The following CADM2 variants were observed in gnomAD, a reference collection of about 807,000 sequenced individuals.
CADM2 encodes the protein immunoglobulin superfamily member 4D.
In CADM2, 12 loss-of-function variants were observed where a neutral mutation model predicts 49.8. The ratio of observed to expected loss-of-function variants is 0.24; its 90% CI spans 0.15 to 0.39. The LOEUF is 0.39. Among genes scored for constraint, CADM2 ranks in the 10% least tolerant of loss-of-function variants. CADM2 has a pLI of 1.00. For missense variants in CADM2, 378 were observed against 492.3 expected, an observed-to-expected ratio of 0.77 and a Z score of 2.20; for synonymous variants, 214 against 175.4, an observed-to-expected ratio of 1.22 and a Z score of -1.74.
chr3:85,897,927 T>C (rs1422058531), intron 5 of CADM2, among the ~76,000 whole-genome samples: 2 of 152,230 alleles, frequency 1.3e-5, no homozygotes, highest in African/African-American at 2.4e-5. Context: ...TTTAAACTTA[T>C]AGTATATGCC....
At chr3:85,100,003 G>T (rs2037952514) in intron 1 of CADM2, among the ~76,000 whole-genome samples, 1 of 151,572 alleles carries the variant, frequency 6.6e-6, no homozygotes, top group African/African-American at 2.4e-5. Flanking sequence ...TGCACTTTCT[G>T]ATTTCCTGCT....
chr3:85,516,031 G>A (rs2060894485), intron 1 of CADM2, among the ~76,000 whole-genome samples: 1 of 152,086 alleles, frequency 6.6e-6, no homozygotes, highest in East Asian at 1.9e-4. Context: ...AAGTGATTAA[G>A]CATTTTAAAG....
intron 1 of CADM2, among the ~76,000 whole-genome samples, chr3:85,126,939 G>C (rs2039053037): frequency 6.6e-6 from 1 of 152,078 alleles, no homozygotes. Flanking sequence ...ATGCAAATAG[G>C]TGTATGGTAT....
At chr3:84,972,469 A>G (rs1018619840) in intron 1 of CADM2, among the ~76,000 whole-genome samples, 1 of 152,164 alleles carries the variant, frequency 6.6e-6, no homozygotes, top group African/African-American at 2.4e-5. Context: ...TTCTCTGTCA[A>G]TGAAGTTTAT....
chr3:85,630,687 A>G lies in CADM2; in HGVS notation c.62-95835A>G, dbSNP rs191358379. ...AGGAGAAAATGTAAAATTTGTATCA[A>G]GAATTACTTTAGAATAACTCAGTTG... On this transcript the variant is annotated intron_variant, in intron 1 of 9. Transcript: ENST00000383699. Among the ~76,000 whole-genome samples the G allele has an allele frequency of 6.6e-3, 1,007 of 152,228 alleles. 18 individuals carry two copies. Among genetic ancestry groups the G allele is most frequent in the African/African-American group, 0.023 (969 of 41,578 alleles).
rs2044885057 is a variant in CADM2 at position 85,330,440 on chromosome 3, G to T, written c.61+370772G>T. ...AAAATGTTTTAAAAGTACTTGAAAG[G>T]GCAGATACAGTTTAAATTTTTATTG... On this transcript the variant is annotated intron_variant, in intron 1 of 9. Transcript: ENST00000383699. Among the ~76,000 whole-genome samples the T allele has an allele frequency of 2.6e-5, 4 of 151,978 alleles. No individual in the cohort carries two copies. The South Asian group carries it at 8.3e-4, about 32-fold the overall frequency.
At chr3:85,116,269 T>C (rs2038634034) in intron 1 of CADM2, among the ~76,000 whole-genome samples, 1 of 152,208 alleles carries the variant, frequency 6.6e-6, no homozygotes, top group African/African-American at 2.4e-5. Flanking sequence ...GAGGTTGCAG[T>C]GAGACAACAT....
At chr3:85,660,440 GT>G (rs10713157) in intron 1 of CADM2, among the ~76,000 whole-genome samples, 55,286 of 142,962 alleles carry the variant, frequency 0.39, 11,129 homozygotes, top group East Asian at 0.54. Context: ...TCGCTCTCCT[GT>G]TTTTTTTTTT....
chr3:85,322,871 A>G (rs1336555992), intron 1 of CADM2, among the ~76,000 whole-genome samples: 1 of 152,146 alleles, frequency 6.6e-6, no homozygotes, highest in Non-Finnish European at 1.5e-5. Flanking sequence ...TTTGGTGAGA[A>G]CTAATCCTGA....
At chr3:85,265,236 TTTAA>T (rs1182850535) in intron 1 of CADM2, among the ~76,000 whole-genome samples, 1 of 152,082 alleles carries the variant, frequency 6.6e-6, no homozygotes, top group Non-Finnish European at 1.5e-5. Flanking sequence ...TAAAATATTT[TTTAA>T]TTAATTTTTA....
At chr3:85,689,139 A>C (rs1334154224) in intron 1 of CADM2, among the ~76,000 whole-genome samples, 1 of 152,192 alleles carries the variant, frequency 6.6e-6, no homozygotes, top group African/African-American at 2.4e-5. Flanking sequence ...CTGAAAATTG[A>C]TTTGTCAAAG....
chr3:85,750,630 C>T (rs2068821203), intron 2 of CADM2, among the ~76,000 whole-genome samples: 1 of 151,952 alleles, frequency 6.6e-6, no homozygotes, highest in South Asian at 2.1e-4. Context: ...ATGGTAAGAA[C>T]AGCTAGATTC....
chr3:85,425,078 G>A lies in CADM2; in HGVS notation c.62-301444G>A, dbSNP rs115469695. Among the ~76,000 whole-genome samples, 534 of 152,154 alleles carry A rather than the reference G, an allele frequency of 3.5e-3. 3 individuals are homozygous for A. Among genetic ancestry groups the A allele is most frequent in the African/African-American group, 0.012 (480 of 41,518 alleles). On this transcript the variant is annotated intron_variant, in intron 1 of 9. Coordinates refer to ENST00000383699, the MANE Select transcript of CADM2 (RefSeq NM_001167675.2). ...ATAAGAGAAATACATGTTTTATTAC[G>A]ATATAAATGAAAGAGGTCACGAACA...
At chr3:85,025,814 C>CA (rs113769156) in intron 1 of CADM2, among the ~76,000 whole-genome samples, 2,587 of 143,230 alleles carry the variant, frequency 0.018, 62 homozygotes, top group African/African-American at 0.058. Context: ...TATCATGTTT[C>CA]AAAAAAAAAA....
At chr3:85,845,364 A>G (rs536406309) in intron 3 of CADM2, among the ~76,000 whole-genome samples, 1 of 152,088 alleles carries the variant, frequency 6.6e-6, no homozygotes, top group South Asian at 2.1e-4. Context: ...ACTCACGGGG[A>G]AGGTCTCCCT....
chr3:86,057,149 AGATG>A (rs965798386), intron 8 of CADM2, among the ~76,000 whole-genome samples: 4 of 152,186 alleles, frequency 2.6e-5, no homozygotes, highest in Admixed American at 1.3e-4. Context: ...ACGACATAAT[AGATG>A]GCCCTTGAGT....
At chr3:85,426,339 C>T (rs895847587) in intron 1 of CADM2, among the ~76,000 whole-genome samples, 5 of 151,888 alleles carry the variant, frequency 3.3e-5, no homozygotes, top group African/African-American at 1.2e-4. Flanking sequence ...ATTTTGTTGC[C>T]CTGGCTGATC....
intron 1 of CADM2, among the ~76,000 whole-genome samples, chr3:85,256,807 C>T (rs1228919419): frequency 6.6e-6 from 1 of 152,044 alleles, no homozygotes; most frequent in Non-Finnish European, 1.5e-5. Flanking sequence ...AACTATTTTA[C>T]CACAATGTAC....
intron 2 of CADM2, chr3:85,800,181 A>G (rs1299199164): frequency 2.6e-5 from 4 of 152,196 alleles, no homozygotes; most frequent in Non-Finnish European, 5.9e-5. Flanking sequence ...CTTTGTTTAC[A>G]TTGTGAGGGG....
Sources: gnomAD v4.1 joint callset for allele counts (sites outside exome capture counted in the v4.1 genomes callset) on GRCh38, gnomAD v4.1.1 for gene constraint, MANE v1.5 for transcripts, NCBI Gene and HGNC (gene_info 2026-07-23, HGNC 2026-07-21) for gene names.